The following IGF2BP3 variants were observed in gnomAD, a reference collection of about 807,000 sequenced individuals.
IGF2BP3 encodes the protein insulin-like growth factor 2 mRNA-binding protein 3.
Under a neutral mutation model 73.8 loss-of-function variants are expected in IGF2BP3, and 9 were observed. That is an observed-to-expected ratio of 0.12 (90% CI 0.07 to 0.21). IGF2BP3 has a LOEUF of 0.21. Ranked by LOEUF, IGF2BP3 falls within the 10% of genes least tolerant of loss-of-function variation. The pLI is 1.00. For synonymous variants in IGF2BP3, 258 were observed against 256.7 expected, an observed-to-expected ratio of 1.01 and a Z score of -0.05; for missense variants, 542 against 714.0, an observed-to-expected ratio of 0.76 and a Z score of 2.75.
chr7:23,346,125 A>G, intron 7 of IGF2BP3, 63 bp from the exon 8 acceptor site: 1 of 1,529,806 alleles, frequency 6.5e-7, no homozygotes, highest in African/African-American at 1.4e-5. Flanking sequence ...TAAAAAGACA[A>G]TATTCACTCA....
chr7:23,442,192 C>G (rs1260219632), intron 2 of IGF2BP3, among the ~76,000 whole-genome samples: 1 of 152,152 alleles, frequency 6.6e-6, no homozygotes, highest in African/African-American at 2.4e-5. Context: ...TTTTCTGTCT[C>G]CCTAGCACCT....
chr7:23,425,543 G>A (rs1408506977), intron 2 of IGF2BP3, among the ~76,000 whole-genome samples: 1 of 152,018 alleles, frequency 6.6e-6, no homozygotes, highest in Non-Finnish European at 1.5e-5. Context: ...ACCATGCCCA[G>A]CTAAATTTTT....
chr7:23,392,833 G>A (rs1440849252), intron 3 of IGF2BP3, among the ~76,000 whole-genome samples: 1 of 152,040 alleles, frequency 6.6e-6, no homozygotes, highest in Admixed American at 6.6e-5. Flanking sequence ...GTTTTATCAT[G>A]TTGCCCAGGC....
intron 2 of IGF2BP3, among the ~76,000 whole-genome samples, chr7:23,455,816 A>G (rs1788304279): frequency 6.6e-6 from 1 of 152,054 alleles, no homozygotes; most frequent in African/African-American, 2.4e-5. Context: ...CTCCTGAGTA[A>G]CTGGGACTAC....
intron 2 of IGF2BP3, among the ~76,000 whole-genome samples, chr7:23,449,325 G>A (rs1788139115): frequency 6.6e-6 from 1 of 151,698 alleles, no homozygotes; most frequent in African/African-American, 2.4e-5. Flanking sequence ...CGACCATCCT[G>A]GCTAACACGG....
intron 2 of IGF2BP3, among the ~76,000 whole-genome samples, chr7:23,426,163 C>G (rs1449533694): frequency 6.6e-6 from 1 of 151,726 alleles, no homozygotes; most frequent in African/African-American, 2.4e-5. Context: ...CCCATCTGTA[C>G]TGAAAATACA....
At chr7:23,378,353 G>C (rs950366674) in intron 3 of IGF2BP3, among the ~76,000 whole-genome samples, 6 of 120,432 alleles carry the variant, frequency 5.0e-5, no homozygotes, top group African/African-American at 2.1e-4. Context: ...CCTTTAGATA[G>C]TTTTCAAAAA....
intron 3 of IGF2BP3, among the ~76,000 whole-genome samples, chr7:23,368,273 A>T (rs1785437274): frequency 6.6e-6 from 1 of 151,688 alleles, no homozygotes; most frequent in African/African-American, 2.4e-5. Context: ...TGAAAGTATT[A>T]TGGTTACCTT....
Position 23,341,651 on chromosome 7 carries a change from A to C in IGF2BP3, c.1203+413T>G, listed in dbSNP as rs1006592598. ...TGCCACTGCATTCCAGCCTGGGCGA[A>C]AGAGTGGGACTGTGTCTCCAAAAAC... is the stretch of plus-strand genomic sequence containing the variant. On this transcript the variant is annotated intron_variant, in intron 10 of 14. Coordinates refer to ENST00000258729, the MANE Select transcript of IGF2BP3 (RefSeq NM_006547.3). Among the ~76,000 whole-genome samples, 74 of 152,190 alleles carry C rather than the reference A, an allele frequency of 4.9e-4. 1 individual carries two copies. The highest frequency in any genetic ancestry group is 1.7e-3 in the African/African-American group (70 of 41,442).
chr7:23,336,552 C>T (rs1354763790), intron 10 of IGF2BP3, among the ~76,000 whole-genome samples: 1 of 151,672 alleles, frequency 6.6e-6, no homozygotes, highest in African/African-American at 2.4e-5. Context: ...GTCACCCAGG[C>T]GGGAGTGCAG....
chr7:23,468,584 G>T (rs369117075), intron 1 of IGF2BP3, 42 bp from the exon 2 acceptor site: 23 of 1,597,418 alleles, frequency 1.4e-5, no homozygotes, highest in Non-Finnish European at 1.9e-5. Flanking sequence ...CGAGTTCAGC[G>T]GCTCTCCCTG....
chr7:23,378,239 G>A (rs1300717148), intron 3 of IGF2BP3, among the ~76,000 whole-genome samples: 1 of 151,848 alleles, frequency 6.6e-6, no homozygotes, highest in Non-Finnish European at 1.5e-5. Flanking sequence ...GTTGCCATTG[G>A]GAGAAAGACT....
chr7:23,352,371 C>A (rs748295746), intron 5 of IGF2BP3, among the ~76,000 whole-genome samples: 1 of 145,414 alleles, frequency 6.9e-6, no homozygotes, highest in Non-Finnish European at 1.5e-5. Context: ...TCACTGCAAC[C>A]TCTGCCTCCG....
intron 3 of IGF2BP3, among the ~76,000 whole-genome samples, chr7:23,380,554 C>A (rs1053132927): frequency 3.0e-4 from 45 of 152,166 alleles, no homozygotes; most frequent in African/African-American, 9.9e-4. Context: ...CCACTCCCAA[C>A]TGATTCCCTA....
intron 2 of IGF2BP3, among the ~76,000 whole-genome samples, chr7:23,421,121 C>T (rs1318334456): frequency 2.0e-5 from 3 of 152,054 alleles, no homozygotes. Context: ...GCAATTCTCC[C>T]ACCTCAGCCT....
chr7:23,375,118 T>C (rs1785678871), intron 3 of IGF2BP3, among the ~76,000 whole-genome samples: 2 of 152,368 alleles, frequency 1.3e-5, no homozygotes, highest in South Asian at 4.1e-4. Flanking sequence ...AAACATTTTA[T>C]ATAATCCATC....
intron 10 of IGF2BP3, among the ~76,000 whole-genome samples, chr7:23,324,168 T>C (rs1257632070): frequency 2.8e-4 from 42 of 151,918 alleles, no homozygotes; most frequent in Admixed American, 7.9e-4. Context: ...ATTGATAGAC[T>C]GCTAGCAAGA....
At chr7:23,348,119 T>C (rs765100304) in intron 6 of IGF2BP3, among the ~76,000 whole-genome samples, 1 of 152,198 alleles carries the variant, frequency 6.6e-6, no homozygotes, top group Non-Finnish European at 1.5e-5. Context: ...ATAAGCCAAG[T>C]TGAACTGCTT....
chr7:23,320,954 A>C (rs1583879392), intron 10 of IGF2BP3, among the ~76,000 whole-genome samples: 1 of 51,520 alleles, frequency 1.9e-5, no homozygotes, highest in East Asian at 2.5e-3. Flanking sequence ...TCTCAAAAAA[A>C]AAAAAAAAAA....
Sources: allele counts gnomAD v4.1 joint callset (sites outside exome capture counted in the v4.1 genomes callset), GRCh38; gene constraint gnomAD v4.1.1; transcripts MANE v1.5; gene names NCBI Gene and HGNC (gene_info 2026-07-23, HGNC 2026-07-21).